The following FOXP1 variants were observed in gnomAD, a reference collection of about 807,000 sequenced individuals.
FOXP1 encodes forkhead box P1.
In FOXP1, 15 loss-of-function variants were observed where a neutral mutation model predicts 98.2. The ratio of observed to expected loss-of-function variants is 0.15; its 90% confidence interval spans 0.10 to 0.24. The LOEUF (loss-of-function observed/expected upper bound fraction) is 0.24. FOXP1 is among the 10% of genes least tolerant of loss of function. FOXP1 has a pLI of 1.00. For synonymous variants in FOXP1, 371 were observed against 314.5 expected, an observed-to-expected ratio of 1.18 and a Z score of -1.90; for missense variants, 633 against 848.5, an observed-to-expected ratio of 0.75 and a Z score of 3.15.
chr3:71,086,878 T>A (rs1387216296), intron 7 of FOXP1, among the ~76,000 whole-genome samples: 3 of 152,184 alleles, frequency 2.0e-5, no homozygotes, highest in Non-Finnish European at 2.9e-5. Flanking sequence ...CACTGGGGCA[T>A]AGAATCTATC....
chr3:71,282,276 A>AT (rs1193759191), intron 5 of FOXP1, among the ~76,000 whole-genome samples: 2 of 151,982 alleles, frequency 1.3e-5, no homozygotes, highest in African/African-American at 4.8e-5. Flanking sequence ...TAGGATCTTA[A>AT]TTTTTTCTAT....
At chr3:71,326,865 G>A (rs1363135537) in intron 4 of FOXP1, among the ~76,000 whole-genome samples, 2 of 152,186 alleles carry the variant, frequency 1.3e-5, no homozygotes, top group Non-Finnish European at 2.9e-5. Context: ...CTGGTTTACT[G>A]CAGAATGAGA....
At chr3:71,067,425 T>C (rs1056893927) in intron 7 of FOXP1, among the ~76,000 whole-genome samples, 1 of 152,186 alleles carries the variant, frequency 6.6e-6, no homozygotes, top group Non-Finnish European at 1.5e-5. Flanking sequence ...AACCATTTAT[T>C]AATCACTGTG....
chr3:71,061,834 T>C (rs1390200261), intron 7 of FOXP1, among the ~76,000 whole-genome samples: 1 of 152,184 alleles, frequency 6.6e-6, no homozygotes, highest in Non-Finnish European at 1.5e-5. Flanking sequence ...TTTTTGCCAA[T>C]TCAAATTTTA....
chr3:71,090,588 C>T (rs1559908205), intron 7 of FOXP1, among the ~76,000 whole-genome samples: 2 of 152,212 alleles, frequency 1.3e-5, no homozygotes, highest in Admixed American at 1.3e-4. Context: ...ACTCCCTGAT[C>T]TTCTTTGCAT....
chr3:71,402,238 T>C (rs1338657772), intron 3 of FOXP1, among the ~76,000 whole-genome samples: 2 of 152,142 alleles, frequency 1.3e-5, no homozygotes, highest in African/African-American at 4.8e-5. Context: ...GTGGATCACT[T>C]GAGCACAGAA....
intron 7 of FOXP1, chr3:71,064,892 G>GGGTCCGGCGGCCTCGGCGTGC (rs2052184568): frequency 6.0e-6 from 5 of 832,586 alleles, no homozygotes; most frequent in Non-Finnish European, 7.2e-6. Flanking sequence ...GCCGGGCGTG[G>GGGTCCGGCGGCCTCGGCGTGC]GGTCCGGCGG....
intron 5 of FOXP1, among the ~76,000 whole-genome samples, chr3:71,263,367 G>C (rs1015912493): frequency 6.6e-6 from 1 of 152,186 alleles, no homozygotes; most frequent in African/African-American, 2.4e-5. Context: ...ATAAAAATCG[G>C]ATGTGGGGGA....
chr3:71,509,500 A>G (rs904500859), intron 2 of FOXP1, among the ~76,000 whole-genome samples: 1 of 152,164 alleles, frequency 6.6e-6, no homozygotes, highest in Non-Finnish European at 1.5e-5. Flanking sequence ...ATCTCCAAAT[A>G]CAGTCACATT....
intron 1 of FOXP1, among the ~76,000 whole-genome samples, chr3:71,583,214 C>T (rs1343423420): frequency 1.3e-5 from 2 of 152,006 alleles, no homozygotes; most frequent in African/African-American, 4.8e-5. Flanking sequence ...TACGGGCAGG[C>T]GATCTCGCCT....
At chr3:71,555,023 A>C (rs2107691503) in intron 2 of FOXP1, among the ~76,000 whole-genome samples, 1 of 152,308 alleles carries the variant, frequency 6.6e-6, no homozygotes, top group East Asian at 1.9e-4. Context: ...AAGCTCAGTT[A>C]TTTTTAAGCT....
intron 6 of FOXP1, among the ~76,000 whole-genome samples, chr3:71,145,963 T>G (rs779682410): frequency 6.6e-6 from 1 of 152,214 alleles, no homozygotes; most frequent in Non-Finnish European, 1.5e-5. Flanking sequence ...AGGGATTGTA[T>G]CTGCACTTTT....
chr3:71,178,364 G>A (rs2062074198), intron 6 of FOXP1, among the ~76,000 whole-genome samples: 1 of 151,344 alleles, frequency 6.6e-6, no homozygotes, highest in South Asian at 2.1e-4. Flanking sequence ...TCAGTCTCCT[G>A]ACCTCGTAAT....
intron 8 of FOXP1, among the ~76,000 whole-genome samples, chr3:71,052,974 C>T (rs1247556257): frequency 6.6e-6 from 1 of 152,140 alleles, no homozygotes; most frequent in East Asian, 1.9e-4. Flanking sequence ...GGGCTGGGCA[C>T]TATGCAGTGT....
intron 3 of FOXP1, among the ~76,000 whole-genome samples, chr3:71,391,991 G>C (rs895531846): frequency 1.3e-5 from 2 of 152,284 alleles, no homozygotes; most frequent in African/African-American, 4.8e-5. Flanking sequence ...TTAATTCAGA[G>C]TGAAAAATCT....
At chr3:71,554,364 T>G (rs1026326053) in intron 2 of FOXP1, among the ~76,000 whole-genome samples, 3 of 152,144 alleles carry the variant, frequency 2.0e-5, no homozygotes, top group Non-Finnish European at 2.9e-5. Context: ...TTAACAAATT[T>G]TTTTAAAAAT....
At chr3:71,505,707 G>A (rs1024226221) in intron 2 of FOXP1, among the ~76,000 whole-genome samples, 1 of 152,064 alleles carries the variant, frequency 6.6e-6, no homozygotes, top group African/African-American at 2.4e-5. Flanking sequence ...TTACAGGCGT[G>A]AGCCACTGCG....
chr3:70,963,539 C>T (rs1298500455), intron 20 of FOXP1, among the ~76,000 whole-genome samples: 1 of 152,200 alleles, frequency 6.6e-6, no homozygotes, highest in Non-Finnish European at 1.5e-5. Context: ...GCAGACACTG[C>T]CCCCACCCTT....
At chr3:71,105,041 A>G (rs953535051) in intron 7 of FOXP1, among the ~76,000 whole-genome samples, 1 of 152,198 alleles carries the variant, frequency 6.6e-6, no homozygotes, top group Non-Finnish European at 1.5e-5. Context: ...TACAAGTTCA[A>G]TCTAGTTATT....
Sources: allele counts gnomAD v4.1 joint callset (sites outside exome capture counted in the v4.1 genomes callset), GRCh38; gene constraint gnomAD v4.1.1; transcripts MANE v1.5; gene names NCBI Gene and HGNC (gene_info 2026-07-23, HGNC 2026-07-21).